The following TDRD12 variants were observed in gnomAD, a reference collection of about 807,000 sequenced individuals.
TDRD12 encodes putative ATP-dependent RNA helicase TDRD12.
TDRD12 carries 158 observed loss-of-function variants against 133.5 expected under a neutral mutation model. The observed-to-expected ratio is 1.18, with a 90% CI of 1.04 to 1.35. The LOEUF (loss-of-function observed/expected upper bound fraction) is 1.35. Ranked by LOEUF, TDRD12 falls within the 40% of genes most tolerant of loss-of-function variation. The probability of loss-of-function intolerance (pLI) is 0.00; values close to 1 mark genes in which losing one functional copy is unlikely to be tolerated. For synonymous variants in TDRD12, 460 were observed against 477.9 expected, an observed-to-expected ratio of 0.96 and a Z score of 0.49; for missense variants, 1,443 against 1,321.3, an observed-to-expected ratio of 1.09 and a Z score of -1.43.
At chr19:32,763,871 C>G (rs555374732) in intron 8 of TDRD12, among the ~76,000 whole-genome samples, 1 of 152,288 alleles carries the variant, frequency 6.6e-6, no homozygotes, top group Admixed American at 6.5e-5. Context: ...ATCTGTCAGT[C>G]TCTCCAGTGC....
At chr19:32,808,341 A>G (rs1966890324) in intron 22 of TDRD12, among the ~76,000 whole-genome samples, 1 of 152,210 alleles carries the variant, frequency 6.6e-6, no homozygotes. Flanking sequence ...TTAAAGCCAC[A>G]CACATTTCTT....
At chr19:32,772,048 G>A (rs1489765659) in intron 8 of TDRD12, among the ~76,000 whole-genome samples, 1 of 152,130 alleles carries the variant, frequency 6.6e-6, no homozygotes, top group African/African-American at 2.4e-5. Flanking sequence ...TTCGGAATGG[G>A]CATGGCAGGA....
At chr19:32,746,072 G>A (rs1969610470) in intron 4 of TDRD12, among the ~76,000 whole-genome samples, 1 of 146,292 alleles carries the variant, frequency 6.8e-6, no homozygotes. Flanking sequence ...GGCTGATGTG[G>A]TTATTCTGTG....
chr19:32,827,947 CACCTAG>C (rs1303533741), exon 10 of TDRD12: 2 of 152,172 alleles, frequency 1.3e-5, no homozygotes, highest in African/African-American at 4.8e-5. Context: ...CATTTTTTTT[CACCTAG>C]ACCTTTGCTA....
intron 10 of TDRD12, among the ~76,000 whole-genome samples, chr19:32,776,864 C>T (rs1970598181): frequency 6.6e-6 from 1 of 152,124 alleles, no homozygotes; most frequent in Admixed American, 6.5e-5. Flanking sequence ...AAGATATTTT[C>T]AGGATTGGGG....
chr19:32,803,286 C>A, intron 21 of TDRD12, 144 bp downstream of exon 21: 1 of 609,530 alleles, frequency 1.6e-6, no homozygotes, highest in Non-Finnish European at 2.8e-6. Flanking sequence ...GCACTCTTCC[C>A]CACGTGCCCT....
exon 10 of TDRD12, chr19:32,827,378 T>TTTCTTTTCTTTTC: frequency 2.5e-6 from 1 of 406,574 alleles, no homozygotes. Flanking sequence ...TTTTCTTTTT[T>TTTCTTTTCTTTTC]TTTTTTTTTT....
Position 32,806,320 on chromosome 19 carries a change from C to T in TDRD12, c.2553-1229C>T, listed in dbSNP as rs73926134. On this transcript the variant is annotated intron_variant, in intron 21 of 27. Coordinates refer to ENST00000444215, the Ensembl canonical transcript of TDRD12. ...GTGTTACTAGCAGTATTCCTATTTACGCTTAAAGAAGACCGAGTTTTTTTT... is the reference window on the plus strand; with the variant it reads ...GTGTTACTAGCAGTATTCCTATTTATGCTTAAAGAAGACCGAGTTTTTTTT... Among the ~76,000 whole-genome samples the T allele has an allele frequency of 5.4e-3, 800 of 148,930 alleles. 8 individuals are homozygous for T. The highest frequency in any genetic ancestry group is 0.019 in the African/African-American group (753 of 40,282).
exon 14 of TDRD12, chr19:32,794,674 A>C (rs764206699): frequency 1.4e-6 from 1 of 702,596 alleles, no homozygotes; most frequent in Non-Finnish European, 2.6e-6. Flanking sequence ...ACTGAATCTT[A>C]CTCTTGGCCT....
At chr19:32,763,356 T>A (rs1970204496) in intron 8 of TDRD12, among the ~76,000 whole-genome samples, 1 of 152,196 alleles carries the variant, frequency 6.6e-6, no homozygotes, top group Non-Finnish European at 1.5e-5. Flanking sequence ...CCTGTACCTT[T>A]GGGCTGCACG....
At chr19:32,782,552 A>G (rs1000253931) in intron 11 of TDRD12, among the ~76,000 whole-genome samples, 1 of 152,228 alleles carries the variant, frequency 6.6e-6, no homozygotes, top group African/African-American at 2.4e-5. Flanking sequence ...ACTGTCTTCC[A>G]TGATGGTTGA....
At chr19:32,821,409 T>TGC (rs1491191437), downstream of TDRD12, 98 of 139,230 alleles carry the variant, frequency 7.0e-4, no homozygotes, top group Admixed American at 1.2e-3. Flanking sequence ...TGTGTGTGTG[T>TGC]GCGTGTGAAC....
chr19:32,794,270 T>A (rs1264639626), intron 13 of TDRD12, among the ~76,000 whole-genome samples: 1 of 151,786 alleles, frequency 6.6e-6, no homozygotes, highest in Non-Finnish European at 1.5e-5. Flanking sequence ...CACACCTGGC[T>A]AATTTTGTAT....
Position 32,722,997 on chromosome 19 carries a change from A to T in TDRD12, c.24+2901A>T, listed in dbSNP as rs1292608900. Among the ~76,000 whole-genome samples, 16 of 152,086 alleles carry T rather than the reference A, an allele frequency of 1.1e-4. No homozygotes were observed. In the East Asian group the frequency reaches 3.1e-3, roughly 29 times the overall value. On this transcript the variant is annotated intron_variant, in intron 1 of 27. Coordinates refer to ENST00000444215, the Ensembl canonical transcript of TDRD12. ...ACCTGGCCCCCCCATGTAACCTTTT[A>T]GAAGTTTTATAATTTTATATTTTAC... is the stretch of plus-strand genomic sequence containing the variant.
At chr19:32,818,654 A>G (rs1967271017) in intron 27 of TDRD12, among the ~76,000 whole-genome samples, 1 of 152,172 alleles carries the variant, frequency 6.6e-6, no homozygotes, top group Admixed American at 6.5e-5. Flanking sequence ...CCCTCGTGGC[A>G]GGGCCTGGGA....
Position 32,810,023 on chromosome 19 carries a change from A to G in TDRD12, c.2653-70A>G, listed in dbSNP as rs935177584. Reference sequence around the variant, plus strand: ...AGGTTGGGTACTGATTTCTGCAGATACAGGGAATGTGTACATATCCGGTTT... The same window carrying G: ...AGGTTGGGTACTGATTTCTGCAGATGCAGGGAATGTGTACATATCCGGTTT... On this transcript the variant is annotated intron_variant, in intron 22 of 27. Coordinates refer to ENST00000444215, the Ensembl canonical transcript of TDRD12. 3.4e-5 allele frequency: 33 copies of G among 969,620 alleles called. 1 individual carries two copies. The African/African-American group carries it at 5.0e-4, about 15-fold the overall frequency. The allele number at this position is 969,620 out of a possible 1,614,324, so 60.1% of individuals were successfully genotyped here.
exon 21 of TDRD12, chr19:32,803,041 C>T (rs1454961543): frequency 7.2e-6 from 11 of 1,535,962 alleles, no homozygotes; most frequent in African/African-American, 2.7e-5. Context: ...CCAAGGTCCC[C>T]GCAGAGCTGT....
At chr19:32,791,909 T>A (rs568312762) in intron 13 of TDRD12, among the ~76,000 whole-genome samples, 3 of 148,476 alleles carry the variant, frequency 2.0e-5, no homozygotes, top group Non-Finnish European at 4.4e-5. Flanking sequence ...TGAACAGACA[T>A]CAGGGATCAT....
At chr19:32,811,181 C>T (rs903806503) in intron 23 of TDRD12, 29 bp from the exon 24 acceptor site, 18 of 1,492,778 alleles carry the variant, frequency 1.2e-5, no homozygotes, top group South Asian at 7.3e-5. Context: ...GGAATCTCTG[C>T]GTTGAACCGA....
Sources: allele counts gnomAD v4.1 joint callset (sites outside exome capture counted in the v4.1 genomes callset), GRCh38; gene constraint gnomAD v4.1.1; transcripts MANE v1.5; gene names NCBI Gene and HGNC (gene_info 2026-07-23, HGNC 2026-07-21).